PPP3CC: variants seen among roughly 807,000 people sequenced by gnomAD.
PPP3CC encodes protein phosphatase 3 catalytic subunit gamma.
Under a neutral mutation model 60.3 loss-of-function variants are expected in PPP3CC, and 35 were observed. The observed-to-expected ratio is 0.58, with a 90% confidence interval of 0.44 to 0.77. The LOEUF (loss-of-function observed/expected upper bound fraction) is 0.77. Ranked by LOEUF, PPP3CC falls within the 30% of genes least tolerant of loss-of-function variation. PPP3CC has a pLI of 0.00. For synonymous variants in PPP3CC, 206 were observed against 224.3 expected (o/e 0.92, Z 0.73); for missense variants, 570 against 628.9 (o/e 0.91, Z 1.00).
chr8:22,531,387 T>G, intron 10 of PPP3CC: 1 of 1,429,948 alleles, frequency 7.0e-7, no homozygotes, highest in Non-Finnish European at 9.5e-7. Flanking sequence ...CCATAGTCTA[T>G]TGGTTAGACT....
At chr8:22,515,081 G>C (rs575341004) in intron 6 of PPP3CC, among the ~76,000 whole-genome samples, 123 of 152,122 alleles carry the variant, frequency 8.1e-4, no homozygotes, top group African/African-American at 2.7e-3. Flanking sequence ...CATTCTTTCT[G>C]ACTGTTTTTT....
intron 1 of PPP3CC, among the ~76,000 whole-genome samples, chr8:22,470,642 C>G (rs375731420): frequency 3.9e-5 from 6 of 152,026 alleles, no homozygotes; most frequent in African/African-American, 1.4e-4. Flanking sequence ...TTCAAATGGC[C>G]CTTAAGCAAG....
rs139063527 is a variant in PPP3CC at position 22,475,445 on chromosome 8, G to T, written c.248-55G>T. The T allele has an allele frequency of 6.3e-3, 9,750 of 1,541,330 alleles. 36 individuals carry two copies. The highest frequency in any genetic ancestry group is 7.7e-3 in the Non-Finnish European group (8,748 of 1,135,752). On this transcript the variant is annotated intron_variant, in intron 2 of 13. Transcript: ENST00000240139. ...AAACTGTGATCCCTTTTGGTGTAAT[G>T]CCCTTCGTCTTCTAAGGTATAATTT...
chr8:22,514,071 C>A (rs1363200641), intron 6 of PPP3CC, among the ~76,000 whole-genome samples: 1 of 151,970 alleles, frequency 6.6e-6, no homozygotes, highest in Non-Finnish European at 1.5e-5. Flanking sequence ...CATGGCAAAA[C>A]CCCATCTCTG....
chr8:22,470,051 TA>T (rs1837671284), intron 1 of PPP3CC, among the ~76,000 whole-genome samples: 1 of 146,058 alleles, frequency 6.8e-6, no homozygotes. Flanking sequence ...ATGGGTGATA[TA>T]TATATATACA....
intron 10 of PPP3CC, chr8:22,531,288 T>C (rs1839709414): frequency 6.5e-7 from 1 of 1,529,778 alleles, no homozygotes; most frequent in Non-Finnish European, 8.8e-7. Context: ...TCTTGGTGTT[T>C]CTTCTCCCTG....
At chr8:22,461,409 G>A (rs1426920323) in intron 1 of PPP3CC, among the ~76,000 whole-genome samples, 1 of 152,124 alleles carries the variant, frequency 6.6e-6, no homozygotes, top group Non-Finnish European at 1.5e-5. Flanking sequence ...AGTTCCAGCA[G>A]TATTGGATGT....
intron 4 of PPP3CC, among the ~76,000 whole-genome samples, chr8:22,504,846 C>G (rs1382474667): frequency 6.6e-6 from 1 of 151,868 alleles, no homozygotes; most frequent in Non-Finnish European, 1.5e-5. Flanking sequence ...TCCTGAGTAG[C>G]TGGGACTACA....
At chr8:22,495,669 C>T (rs1233185395) in intron 3 of PPP3CC, among the ~76,000 whole-genome samples, 3 of 152,094 alleles carry the variant, frequency 2.0e-5, no homozygotes, top group Admixed American at 2.0e-4. Flanking sequence ...AGCGATTCTT[C>T]TGCCTCAGCC....
chr8:22,465,257 G>A (rs1014995044), intron 1 of PPP3CC, among the ~76,000 whole-genome samples: 15 of 152,060 alleles, frequency 9.9e-5, no homozygotes, highest in African/African-American at 3.4e-4. Flanking sequence ...CACTGGGCCT[G>A]GCCTTAGACT....
Position 22,533,082 on chromosome 8 carries a change from T to G in PPP3CC, c.1321+64T>G, listed in dbSNP as rs905600608. 2.4e-6 allele frequency: 3 copies of G among 1,235,648 alleles called. No individual in the cohort carries two copies. In the African/African-American group the frequency reaches 4.7e-5, roughly 19 times the overall value. The allele number at this position is 1,235,648 out of a possible 1,614,324, so 76.5% of individuals were successfully genotyped here. ...CGTTACCTAACAGTCAGCACACACTTACAAATGGGGGCTTTCCTCAGAAAA... is the reference window on the plus strand; with the variant it reads ...CGTTACCTAACAGTCAGCACACACTGACAAATGGGGGCTTTCCTCAGAAAA... On this transcript the variant is annotated intron_variant, in intron 12 of 13. Coordinates refer to ENST00000240139, the MANE Select transcript of PPP3CC (RefSeq NM_005605.5).
intron 6 of PPP3CC, among the ~76,000 whole-genome samples, chr8:22,521,327 C>A (rs989382481): frequency 6.6e-6 from 1 of 152,146 alleles, no homozygotes; most frequent in African/African-American, 2.4e-5. Context: ...GTTGGTGGAT[C>A]TGTTACTAGG....
chr8:22,512,142 A>G (rs1839105843), intron 5 of PPP3CC, among the ~76,000 whole-genome samples: 1 of 152,110 alleles, frequency 6.6e-6, no homozygotes, highest in Non-Finnish European at 1.5e-5. Flanking sequence ...AATCAAAGTG[A>G]TAGATACTCA....
chr8:22,453,055 G>A lies in PPP3CC; in HGVS notation c.49+11597G>A, dbSNP rs114438252. ...TTTATGGATGACAGTGTAAGAAAGA[G>A]TACAGACTCTGCTGATTACCAGCCG... On this transcript the variant is annotated intron_variant, in intron 1 of 13. Transcript: ENST00000240139. Among the ~76,000 whole-genome samples, 672 of 152,292 alleles carry A rather than the reference G, an allele frequency of 4.4e-3. 6 individuals are homozygous for A. Among genetic ancestry groups the A allele is most frequent in the African/African-American group, 0.016 (650 of 41,550 alleles).
At chr8:22,453,289 C>T (rs1332603807) in intron 1 of PPP3CC, among the ~76,000 whole-genome samples, 1 of 152,194 alleles carries the variant, frequency 6.6e-6, no homozygotes, top group Non-Finnish European at 1.5e-5. Flanking sequence ...ATCTATTTTA[C>T]TTTAAGTGAC....
chr8:22,499,841 C>G (rs903793664), intron 4 of PPP3CC, among the ~76,000 whole-genome samples: 3 of 152,030 alleles, frequency 2.0e-5, no homozygotes, highest in South Asian at 2.1e-4. Context: ...ATCATTTTAC[C>G]CTCATACCCT....
intron 1 of PPP3CC, among the ~76,000 whole-genome samples, chr8:22,454,009 C>A (rs1837115671): frequency 6.6e-6 from 1 of 152,162 alleles, no homozygotes; most frequent in African/African-American, 2.4e-5. Context: ...AAACACTGCA[C>A]ACTTAGGCTA....
chr8:22,448,818 CA>C (rs150084750), intron 1 of PPP3CC, among the ~76,000 whole-genome samples: 1,780 of 150,154 alleles, frequency 0.012, 39 homozygotes, highest in African/African-American at 0.041. Flanking sequence ...TTAAATTGTT[CA>C]AAAAAAAATC....
intron 8 of PPP3CC, among the ~76,000 whole-genome samples, chr8:22,524,878 A>C (rs1261099429): frequency 6.6e-6 from 1 of 152,176 alleles, no homozygotes; most frequent in Non-Finnish European, 1.5e-5. Flanking sequence ...GGCCAGGCAC[A>C]GTGGCTCATG....
Sources: gnomAD v4.1 joint callset for allele counts (sites outside exome capture counted in the v4.1 genomes callset) on GRCh38, gnomAD v4.1.1 for gene constraint, MANE v1.5 for transcripts, NCBI Gene and HGNC (gene_info 2026-07-23, HGNC 2026-07-21) for gene names.